Variants in RGN observed in about 807,000 individuals in gnomAD.
The protein encoded by RGN is regucalcin.
Under a neutral mutation model 20.6 loss-of-function variants are expected in RGN, and 19 were observed. The ratio of observed to expected loss-of-function variants is 0.92; its 90% confidence interval spans 0.64 to 1.35. The LOEUF (loss-of-function observed/expected upper bound fraction) is 1.35. RGN is among the 40% of genes most tolerant of loss of function. The pLI is 0.00. For missense variants in RGN, 302 were observed against 232.7 expected (o/e 1.30, Z -1.94); for synonymous variants, 85 against 87.2 (o/e 0.97, Z 0.14).
At position 47,090,915 on chromosome X, in the gene RGN, GGAAAGAAAGAAAGA is replaced by G. The variant is rs1930935775; in HGVS notation, c.563-762_563-749del. Among the ~76,000 whole-genome samples the G allele has an allele frequency of 3.5e-3, 182 of 51,880 alleles. 5 individuals carry two copies. Among genetic ancestry groups the G allele is most frequent in the African/African-American group, 0.016 (175 of 10,820 alleles). 45.1% of individuals were successfully genotyped at this position (51,880 alleles called of 115,157 possible). A position where few individuals can be genotyped will look rare whatever the true frequency, so the allele number is the denominator to read the frequency against. On this transcript the variant is annotated intron_variant, in intron 5 of 7. Coordinates refer to ENST00000397180, the MANE Select transcript of RGN (RefSeq NM_152869.4). ...GAAGAAAGAAAGAAAGAAAGAAGAAGGAAAGAAAGAAAGAAAGAAAGAAAGAAAGAAAGAAAGAA... is the reference window on the plus strand; with the variant it reads ...GAAGAAAGAAAGAAAGAAAGAAGAAGAAGAAAGAAAGAAAGAAAGAAAGAA...
rs1556386758 is a variant in RGN at position 47,089,934 on chromosome X, G to C, written c.505G>C (p.Asp169His). The C allele has an allele frequency of 8.3e-7, 1 of 1,209,402 alleles. No homozygotes were observed. Among genetic ancestry groups the C allele is most frequent in the Admixed American group, 2.2e-5 (1 of 45,753 alleles). The change falls in exon 5 of 8, where the codon GAC becomes CAC. Residue 169 changes from aspartate to histidine, a missense_variant. Coordinates refer to ENST00000397180, the MANE Select transcript of RGN (RefSeq NM_152869.4). ...AGACCACAAAATCTTCTATTACATT[G>C]ACAGCCTGTCCTACTCCGTGGATGC... ...SLDHKIFYYI[D>H]SLSYSVDAFD...
At chrX:47,091,493 CAAACA>C (rs781816543) in intron 5 of RGN, among the ~76,000 whole-genome samples, 180 bp from the exon 6 acceptor site, 1 of 111,822 alleles carries the variant, frequency 8.9e-6, no homozygotes, top group East Asian at 2.8e-4. Context: ...TGCCTGTACC[CAAACA>C]AAAGACAATG....
intron 4 of RGN, among the ~76,000 whole-genome samples, chrX:47,087,996 A>T (rs1393425282): frequency 3.0e-5 from 3 of 100,121 alleles, no homozygotes; most frequent in Non-Finnish European, 6.0e-5. Flanking sequence ...ATATAATTAT[A>T]ATATAATACT....
intron 1 of RGN, among the ~76,000 whole-genome samples, chrX:47,078,921 G>A (rs1930155841): frequency 9.3e-6 from 1 of 106,970 alleles, no homozygotes; most frequent in Non-Finnish European, 1.9e-5. Flanking sequence ...TAGGATGAAG[G>A]CCTTTGTAGT....
At chrX:47,087,909 A>G (rs1395637297) in intron 4 of RGN, among the ~76,000 whole-genome samples, 1 of 101,409 alleles carries the variant, frequency 9.9e-6, no homozygotes, top group Non-Finnish European at 2.0e-5. Context: ...TAATCATATT[A>G]TATATAAATA....
intron 3 of RGN, among the ~76,000 whole-genome samples, chrX:47,083,912 CAAACA>C (rs1930460219): frequency 1.4e-5 from 1 of 72,278 alleles, no homozygotes; most frequent in African/African-American, 7.6e-5. Flanking sequence ...AACTCTGTCT[CAAACA>C]AAACAAACAA....
chrX:47,081,209 G>A lies in RGN; in HGVS notation c.65G>A (p.Trp22Ter). The change falls in exon 3 of 8, where the codon TGG (tryptophan) becomes TAG (stop). Residue 22 changes from tryptophan to a stop codon, truncating the protein, a stop_gained. Coordinates refer to ENST00000397180, the MANE Select transcript of RGN (RefSeq NM_152869.4). LOFTEE classifies it high-confidence loss of function. ...ENCRCGESPV[W>*]EEVSNSLLFV... ...TGCCGGTGTGGTGAGTCTCCAGTAT[G>A]GGAGGAAGTGTCCAACTCTCTGCTC... 1 of 1,204,277 alleles carries A rather than the reference G, an allele frequency of 8.3e-7. No homozygotes were observed. Among genetic ancestry groups the A allele is most frequent in the South Asian group, 1.8e-5 (1 of 56,775 alleles).
chrX:47,086,737 GA>G lies in RGN; in HGVS notation c.346+2138del, dbSNP rs1556384424. 1.1e-4 allele frequency among the ~76,000 whole-genome samples: 3 copies of G among 27,213 alleles called. No individual in the cohort carries two copies. In the African/African-American group the frequency reaches 1.8e-3, roughly 16 times the overall value. 23.6% of individuals were successfully genotyped at this position (27,213 alleles called of 115,157 possible). A position where few individuals can be genotyped will look rare whatever the true frequency, so the allele number is the denominator to read the frequency against. ...GCCCCTAGAACCAGTGATAACAGGA[GA>G]GAGAGAGAGAGAGAGAGAGAGAGAG... On this transcript the variant is annotated intron_variant, in intron 4 of 7. Transcript: ENST00000397180.
Position 47,088,890 on chromosome X carries a change from C to T in RGN, c.347-886C>T, listed in dbSNP as rs782607060. 5.9e-4 allele frequency among the ~76,000 whole-genome samples: 57 copies of T among 97,125 alleles called. 1 individual carries two copies. The highest frequency in any genetic ancestry group is 2.6e-3 in the South Asian group (5 of 1,926). 84.3% of individuals were successfully genotyped at this position (97,125 alleles called of 115,157 possible). On this transcript the variant is annotated intron_variant, in intron 4 of 7. Coordinates refer to ENST00000397180, the MANE Select transcript of RGN (RefSeq NM_152869.4). Reference sequence around the variant, plus strand: ...TTGAGGCTGCAATGAGCTGTGATCACGCCACTGCACTCCAGCCTGGGCAAC... The same window carrying T: ...TTGAGGCTGCAATGAGCTGTGATCATGCCACTGCACTCCAGCCTGGGCAAC...
At position 47,089,845 on chromosome X, in the gene RGN, C is replaced by CTGA. The variant is rs781945527; in HGVS notation, c.418_420dup (p.Asp140dup). The CTGA allele has an allele frequency of 8.3e-7, 1 of 1,209,067 alleles. No homozygotes were observed. Among genetic ancestry groups the CTGA allele is most frequent in the South Asian group, 1.8e-5 (1 of 56,860 alleles). On this transcript the variant is annotated inframe_insertion, in exon 5 of 8. Transcript: ENST00000397180. ...CAGGGGGCCCTGTACTCCCTCTTTC[C>CTGA]TGATCACCACGTGAAAAAGTACTTT...
intron 5 of RGN, 54 bp from the exon 6 acceptor site, chrX:47,091,624 A>C (rs1317093130): frequency 8.6e-7 from 1 of 1,163,697 alleles, no homozygotes; most frequent in Non-Finnish European, 1.2e-6. Context: ...CTCAGTATTT[A>C]GTGGCCTGTT....
At chrX:47,083,922 A>C (rs1930463255) in intron 3 of RGN, among the ~76,000 whole-genome samples, 1 of 92,473 alleles carries the variant, frequency 1.1e-5, no homozygotes, top group Non-Finnish European at 2.0e-5. Flanking sequence ...CAAACAAAAC[A>C]AACAAAAAAA....
At chrX:47,079,075 T>C (rs1450538735) in intron 1 of RGN, among the ~76,000 whole-genome samples, 1 of 105,102 alleles carries the variant, frequency 9.5e-6, no homozygotes, top group Non-Finnish European at 1.9e-5. Context: ...TTCTCCGGCC[T>C]CAGCCTTCCT....
intron 1 of RGN, among the ~76,000 whole-genome samples, 200 bp downstream of exon 1, chrX:47,078,909 G>A (rs1171119649): frequency 9.3e-6 from 1 of 107,055 alleles, no homozygotes. Flanking sequence ...ATCTAAGACT[G>A]ATAGGATGAA....
chrX:47,089,744 G>T (rs782559363), intron 4 of RGN, 32 bp from the exon 5 acceptor site: 2 of 1,122,301 alleles, frequency 1.8e-6, no homozygotes, highest in Middle Eastern at 2.8e-4. Flanking sequence ...AGATGCTATG[G>T]GGCAGAGCTC....
At chrX:47,079,254 C>G (rs1556380252) in intron 1 of RGN, among the ~76,000 whole-genome samples, 1 of 110,068 alleles carries the variant, frequency 9.1e-6, no homozygotes, top group Non-Finnish European at 1.9e-5. Flanking sequence ...GCCACCAGCA[C>G]CGGCCTGAGC....
At chrX:47,078,947 C>T (rs1247312147) in intron 1 of RGN, among the ~76,000 whole-genome samples, 1 of 104,733 alleles carries the variant, frequency 9.5e-6, no homozygotes, top group Non-Finnish European at 2.0e-5. Flanking sequence ...CACTGCCCCC[C>T]ACCCCCGCTT....
chrX:47,079,356 GT>G (rs201087134), intron 1 of RGN, among the ~76,000 whole-genome samples: 1,227 of 50,574 alleles, frequency 0.024, 23 homozygotes, highest in African/African-American at 0.12. Context: ...TTTTTTGTTT[GT>G]TTTTTTTTTT....
rs782750052 is a variant in RGN, at chrX:47,084,448, A to G, written c.194A>G (p.Gln65Arg). Reference sequence around the variant, plus strand: ...CCAGTCAGCTCCGTGGCTCTTCGCCAGTCGGGAGGCTATGTTGCCACCATT... The same window carrying G: ...CCAGTCAGCTCCGTGGCTCTTCGCCGGTCGGGAGGCTATGTTGCCACCATT... ...DAPVSSVALRQSGGYVATIGT... is the reference protein window; with the variant it reads ...DAPVSSVALRRSGGYVATIGT... Residue 65 changes from glutamine to arginine, a missense_variant, in exon 4 of 8, where the codon CAG (glutamine) becomes CGG (arginine). Coordinates refer to ENST00000397180, the MANE Select transcript of RGN (RefSeq NM_152869.4). The G allele has an allele frequency of 1.7e-6, 2 of 1,205,041 alleles. No individual in the cohort carries two copies. The highest frequency in any genetic ancestry group is 2.2e-6 in the Non-Finnish European group (2 of 892,062).
Sources: allele counts gnomAD v4.1 joint callset (sites outside exome capture counted in the v4.1 genomes callset), GRCh38; gene constraint gnomAD v4.1.1; transcripts MANE v1.5; gene names NCBI Gene and HGNC (gene_info 2026-07-23, HGNC 2026-07-21).